The following SOX5 variants were observed in gnomAD, a reference collection of about 807,000 sequenced individuals.
SOX5 encodes SRY-box transcription factor 5.
Under a neutral mutation model 92.0 loss-of-function variants are expected in SOX5, and 9 were observed. That is an observed-to-expected ratio of 0.10 (90% confidence interval 0.06 to 0.17). The LOEUF (loss-of-function observed/expected upper bound fraction) is 0.17, where lower values mean the gene tolerates loss of function less well. SOX5 is among the 10% of genes least tolerant of loss of function. SOX5 has a pLI of 1.00. For synonymous variants in SOX5, 344 were observed against 336.3 expected (o/e 1.02, Z -0.25); for missense variants, 642 against 944.5 (o/e 0.68, Z 4.20).
intron 1 of SOX5, among the ~76,000 whole-genome samples, chr12:24,410,703 G>A (rs1336924728): frequency 6.6e-6 from 1 of 152,118 alleles, no homozygotes; most frequent in Non-Finnish European, 1.5e-5. Flanking sequence ...ACAGAGTGTT[G>A]ATCACTACAG....
intron 1 of SOX5, among the ~76,000 whole-genome samples, chr12:23,945,529 A>G (rs1454097156): frequency 6.6e-6 from 1 of 152,174 alleles, no homozygotes; most frequent in African/African-American, 2.4e-5. Flanking sequence ...AATGTGGTTT[A>G]TGAACTGCCT....
rs1011032242 is a variant in SOX5, at chr12:24,103,059, C to T, written c.-2+110284G>A. Among the ~76,000 whole-genome samples the T allele has an allele frequency of 1.7e-4, 26 of 152,200 alleles. 1 individual carries two copies. Among genetic ancestry groups the T allele is most frequent in the African/African-American group, 6.3e-4 (26 of 41,452 alleles). ...AGGATGTGAAAGGGGAAGACAATTT[C>T]GGATTGAACCCACTGAGAGGCTTCT... On this transcript the variant is annotated intron_variant, in intron 4 of 4. Transcript: ENST00000446891.
chr12:23,732,449 T>C (rs1426828756), intron 6 of SOX5, among the ~76,000 whole-genome samples: 1 of 144,738 alleles, frequency 6.9e-6, no homozygotes, highest in African/African-American at 2.6e-5. Context: ...AACTATGCTT[T>C]TCGTTAATGA....
chr12:24,136,751 AAATTCCCATTTTG>A (rs1332602548), intron 4 of SOX5, among the ~76,000 whole-genome samples: 1 of 152,260 alleles, frequency 6.6e-6, no homozygotes, highest in Non-Finnish European at 1.5e-5. Context: ...CTTGAACAGC[AAATTCCCATTTTG>A]GCAAAAGCCC....
intron 1 of SOX5, among the ~76,000 whole-genome samples, chr12:24,386,575 G>T (rs1958440350): frequency 1.3e-5 from 2 of 152,094 alleles, no homozygotes; most frequent in Non-Finnish European, 1.5e-5. Flanking sequence ...ATAAATATAT[G>T]AAATTGGCAA....
At position 23,840,116 on chromosome 12, in the gene SOX5, T is replaced by C. The variant is rs569625472; in HGVS notation, c.481+5867A>G. Among the ~76,000 whole-genome samples the C allele has an allele frequency of 1.1e-4, 16 of 152,016 alleles. No individual in the cohort carries two copies. The South Asian group carries it at 1.9e-3, about 18-fold the overall frequency. ...AATCAGTAAAAACTACTAGAGCTAA[T>C]AGTGAGTCCTGAAAGGCCAAAGGAT... On this transcript the variant is annotated intron_variant, in intron 3 of 14. Transcript: ENST00000451604.
rs1351102664 is a variant in SOX5 at position 24,013,381 on chromosome 12, G to C, written c.-1-117357C>G. 4.6e-5 allele frequency among the ~76,000 whole-genome samples: 7 copies of C among 152,112 alleles called. No individual in the cohort carries two copies. The East Asian group carries it at 1.3e-3, about 29-fold the overall frequency. On this transcript the variant is annotated intron_variant, in intron 4 of 4. Coordinates refer to the SOX5 transcript ENST00000446891. ...ACATGTCCCCTCAAAACCTAAGACA[G>C]CTTAATAATTTTAATGAAAAATGTT...
intron 3 of SOX5, among the ~76,000 whole-genome samples, chr12:23,763,477 C>T (rs182502055): frequency 6.6e-6 from 1 of 152,224 alleles, no homozygotes; most frequent in Non-Finnish European, 1.5e-5. Flanking sequence ...TAACCACCTA[C>T]TATTAATGTA....
At chr12:24,155,641 T>A in intron 4 of SOX5, among the ~76,000 whole-genome samples, 1 of 152,322 alleles carries the variant, frequency 6.6e-6, no homozygotes, top group African/African-American at 2.4e-5. Flanking sequence ...TCTAAAGGAC[T>A]ATGATGAGAT....
chr12:24,365,582 A>G (rs1956080514), intron 2 of SOX5, among the ~76,000 whole-genome samples: 1 of 151,652 alleles, frequency 6.6e-6, no homozygotes, highest in Non-Finnish European at 1.5e-5. Context: ...ATGTTCCAAA[A>G]TAAAATATGG....
intron 4 of SOX5, among the ~76,000 whole-genome samples, chr12:24,158,014 G>A (rs1012754341): frequency 6.6e-6 from 1 of 151,926 alleles, no homozygotes; most frequent in African/African-American, 2.4e-5. Context: ...CCTTTAAAAG[G>A]AGAGTCTTGA....
chr12:24,146,288 C>T (rs551170382), intron 4 of SOX5, among the ~76,000 whole-genome samples: 1 of 152,014 alleles, frequency 6.6e-6, no homozygotes, highest in East Asian at 1.9e-4. Flanking sequence ...AGTATGTTCC[C>T]TAACTATCAT....
intron 3 of SOX5, among the ~76,000 whole-genome samples, chr12:23,818,978 C>A (rs2096055207): frequency 6.6e-6 from 1 of 152,274 alleles, no homozygotes; most frequent in Admixed American, 6.5e-5. Context: ...TTCTGGAATA[C>A]TTCTGAAAAA....
At chr12:23,675,951 A>G (rs1458681771) in intron 6 of SOX5, among the ~76,000 whole-genome samples, 1 of 152,162 alleles carries the variant, frequency 6.6e-6, no homozygotes, top group African/African-American at 2.4e-5. Flanking sequence ...ATACCACGTC[A>G]TATCTATTAG....
intron 6 of SOX5, among the ~76,000 whole-genome samples, chr12:23,676,956 A>G (rs2085805208): frequency 6.6e-6 from 1 of 152,220 alleles, no homozygotes; most frequent in Non-Finnish European, 1.5e-5. Context: ...TAATGCCTCA[A>G]ACATAATAAA....
rs145578047 is a variant in SOX5 at position 24,285,592 on chromosome 12, A to C, written c.-173-8280T>G. ...ATGGAAATCTGCCTAGTCTATTTTA[A>C]GGAGGTAGCTCAGTCTGGCATGAAA... On this transcript the variant is annotated intron_variant, in intron 2 of 4. Transcript: ENST00000446891. Among the ~76,000 whole-genome samples, 484 of 152,344 alleles carry C rather than the reference A, an allele frequency of 3.2e-3. 1 individual carries two copies. The highest frequency in any genetic ancestry group is 0.011 in the African/African-American group (462 of 41,586).
At chr12:23,624,823 A>G (rs1238695622) in intron 8 of SOX5, among the ~76,000 whole-genome samples, 5 of 152,242 alleles carry the variant, frequency 3.3e-5, no homozygotes, top group Non-Finnish European at 7.3e-5. Context: ...TAGAAATTAC[A>G]AAACAAAAGA....
intron 4 of SOX5, among the ~76,000 whole-genome samples, chr12:23,990,491 C>T (rs140140806): frequency 1.1e-4 from 17 of 152,290 alleles, no homozygotes; most frequent in Admixed American, 2.0e-4. Context: ...CTGTGTTATA[C>T]GCAGGCTATT....
At chr12:24,110,900 CAAAAAAAAAAAAAA>C (rs67100585) in intron 4 of SOX5, among the ~76,000 whole-genome samples, 14 of 27,590 alleles carry the variant, frequency 5.1e-4, no homozygotes, top group Admixed American at 1.1e-3. Context: ...GACTCCACTT[CAAAAAAAAAAAAAA>C]AAAAAAAAAA....
Sources: gnomAD v4.1 joint callset for allele counts (sites outside exome capture counted in the v4.1 genomes callset) on GRCh38, gnomAD v4.1.1 for gene constraint, MANE v1.5 for transcripts, NCBI Gene and HGNC (gene_info 2026-07-23, HGNC 2026-07-21) for gene names.